The following SH3RF1 variants were observed in gnomAD, a reference collection of about 807,000 sequenced individuals.
SH3RF1 encodes SH3 domain containing ring finger 1, also known as E3 ubiquitin-protein ligase SH3RF1.
A neutral mutation model predicts 74.0 loss-of-function variants in SH3RF1; 32 were observed. The ratio of observed to expected loss-of-function variants is 0.43; its 90% CI spans 0.33 to 0.58. SH3RF1 has a LOEUF of 0.58. SH3RF1 is among the 20% of genes least tolerant of loss of function. The pLI is 0.05. For synonymous variants in SH3RF1, 396 were observed against 439.6 expected, an observed-to-expected ratio of 0.90 and a Z score of 1.24; for missense variants, 954 against 1,130.9, an observed-to-expected ratio of 0.84 and a Z score of 2.24.
intron 11 of SH3RF1, among the ~76,000 whole-genome samples, chr4:169,106,272 C>T (rs1733136261): frequency 6.6e-6 from 1 of 151,852 alleles, no homozygotes. Context: ...GCCACCACGT[C>T]TATTTCTTTG....
At chr4:169,243,818 A>G (rs1730952072) in intron 2 of SH3RF1, among the ~76,000 whole-genome samples, 1 of 152,236 alleles carries the variant, frequency 6.6e-6, no homozygotes, top group South Asian at 2.1e-4. Flanking sequence ...ATGATTTTCC[A>G]AAAGATGACT....
intron 5 of SH3RF1, among the ~76,000 whole-genome samples, chr4:169,130,928 C>A (rs774571708): frequency 3.3e-5 from 5 of 152,198 alleles, no homozygotes; most frequent in Non-Finnish European, 5.9e-5. Flanking sequence ...TGGGTTCCTG[C>A]ACAAATGGAA....
chr4:169,229,470 C>T (rs534368344), intron 2 of SH3RF1, among the ~76,000 whole-genome samples: 1 of 151,496 alleles, frequency 6.6e-6, no homozygotes, highest in South Asian at 2.1e-4. Flanking sequence ...TACCACCCCC[C>T]CACCCAAAAA....
chr4:169,199,203 C>T (rs1193543503), intron 2 of SH3RF1, among the ~76,000 whole-genome samples: 1 of 152,180 alleles, frequency 6.6e-6, no homozygotes, highest in Non-Finnish European at 1.5e-5. Context: ...CAGGTTTAGA[C>T]TGCTGGGTAT....
chr4:169,115,707 C>T (rs894172585), intron 10 of SH3RF1, among the ~76,000 whole-genome samples: 3 of 152,146 alleles, frequency 2.0e-5, no homozygotes, highest in African/African-American at 4.8e-5. Flanking sequence ...CGCCACCACC[C>T]CTGGGTCCAT....
chr4:169,139,320 A>G (rs182401697), intron 4 of SH3RF1, among the ~76,000 whole-genome samples: 2 of 152,316 alleles, frequency 1.3e-5, no homozygotes, highest in Non-Finnish European at 2.9e-5. Context: ...TCTGCCCTTA[A>G]GGACCTTACA....
chr4:169,113,030 C>A (rs1418727801), intron 10 of SH3RF1, among the ~76,000 whole-genome samples: 1 of 152,044 alleles, frequency 6.6e-6, no homozygotes, highest in East Asian at 1.9e-4. Context: ...GAAATGCAAC[C>A]AATAACCTTT....
chr4:169,134,890 T>C (rs1733677958), intron 5 of SH3RF1, among the ~76,000 whole-genome samples: 1 of 152,220 alleles, frequency 6.6e-6, no homozygotes, highest in South Asian at 2.1e-4. Context: ...TGCACTCATG[T>C]TCTAGTTGTG....
At chr4:169,124,849 T>C (rs1579094172) in intron 6 of SH3RF1, among the ~76,000 whole-genome samples, 2 of 152,156 alleles carry the variant, frequency 1.3e-5, no homozygotes, top group South Asian at 2.1e-4. Context: ...TTCAGGCAGT[T>C]TGCTGTCCTG....
rs567502286 is a variant in SH3RF1 at position 169,104,171 on chromosome 4, GC to G, written c.2498+2675del. Among the ~76,000 whole-genome samples, 12 of 152,208 alleles carry G rather than the reference GC, an allele frequency of 7.9e-5. No homozygotes were observed. The East Asian group carries it at 2.3e-3, about 29-fold the overall frequency. ...GGGGGAGGGAGGCTGCAGTGCCCAT[GC>G]CAGTGCCTAGGGAGAGTCTGGGCAA... is the stretch of plus-strand genomic sequence containing the variant. On this transcript the variant is annotated intron_variant, in intron 11 of 11. Coordinates refer to ENST00000284637, the MANE Select transcript of SH3RF1 (RefSeq NM_020870.4).
chr4:169,211,159 T>C (rs1050662275), intron 2 of SH3RF1, among the ~76,000 whole-genome samples: 13 of 152,150 alleles, frequency 8.5e-5, no homozygotes, highest in African/African-American at 2.9e-4. Flanking sequence ...CAGGATTTAG[T>C]ATTATGACCC....
chr4:169,200,912 A>G (rs1323139106), intron 2 of SH3RF1, among the ~76,000 whole-genome samples: 1 of 152,184 alleles, frequency 6.6e-6, no homozygotes, highest in African/African-American at 2.4e-5. Context: ...TGTCTAGAAT[A>G]CTTGGCCCTT....
At chr4:169,125,433 C>T (rs1733509603) in intron 6 of SH3RF1, among the ~76,000 whole-genome samples, 1 of 152,130 alleles carries the variant, frequency 6.6e-6, no homozygotes, top group African/African-American at 2.4e-5. Flanking sequence ...TCATGCAACC[C>T]GCCCAGGTAG....
intron 2 of SH3RF1, among the ~76,000 whole-genome samples, chr4:169,208,560 CAT>C (rs1730301648): frequency 1.3e-5 from 2 of 152,052 alleles, no homozygotes; most frequent in African/African-American, 4.8e-5. Context: ...AAATTAAGAA[CAT>C]ATAATCTAAA....
chr4:169,134,426 T>C (rs1733664671), intron 5 of SH3RF1, among the ~76,000 whole-genome samples: 1 of 152,224 alleles, frequency 6.6e-6, no homozygotes, highest in Admixed American at 6.5e-5. Context: ...TTTCATTTTC[T>C]CTAATGCCAA....
At chr4:169,165,110 G>C (rs917842488) in intron 2 of SH3RF1, among the ~76,000 whole-genome samples, 4 of 152,178 alleles carry the variant, frequency 2.6e-5, no homozygotes, top group African/African-American at 9.7e-5. Context: ...TTACCATCTT[G>C]AAGACTCATC....
At chr4:169,240,238 G>A (rs932543347) in intron 2 of SH3RF1, among the ~76,000 whole-genome samples, 2 of 151,294 alleles carry the variant, frequency 1.3e-5, no homozygotes, top group African/African-American at 4.9e-5. Context: ...ACTCTGGCAC[G>A]CAGGCTGGAG....
At chr4:169,140,708 T>A (rs1025830894) in intron 4 of SH3RF1, among the ~76,000 whole-genome samples, 1 of 152,178 alleles carries the variant, frequency 6.6e-6, no homozygotes, top group African/African-American at 2.4e-5. Context: ...TAGCCTTTTT[T>A]AAAAGGCGGG....
chr4:169,146,895 C>G (rs1419118041), intron 4 of SH3RF1, among the ~76,000 whole-genome samples: 2 of 152,056 alleles, frequency 1.3e-5, no homozygotes, highest in Non-Finnish European at 2.9e-5. Context: ...GACCAAGTTC[C>G]TGGAGGATGA....
Sources: allele counts gnomAD v4.1 joint callset (sites outside exome capture counted in the v4.1 genomes callset), GRCh38; gene constraint gnomAD v4.1.1; transcripts MANE v1.5; gene names NCBI Gene and HGNC (gene_info 2026-07-23, HGNC 2026-07-21).